MCPH1: variants seen among roughly 807,000 people sequenced by gnomAD.
MCPH1 encodes microcephalin 1, also known as microcephalin.
Under a neutral mutation model 84.5 loss-of-function variants are expected in MCPH1, and 104 were observed. The observed-to-expected ratio is 1.23, with a 90% CI of 1.05 to 1.45. The LOEUF is 1.45. MCPH1 is among the 40% of genes most tolerant of loss of function. The probability of loss-of-function intolerance (pLI) is 0.00; values close to 1 mark genes in which losing one functional copy is unlikely to be tolerated. For missense variants in MCPH1, 1,498 were observed against 1,005.7 expected, an observed-to-expected ratio of 1.49 and a Z score of -6.62; for synonymous variants, 514 against 366.8, an observed-to-expected ratio of 1.40 and a Z score of -4.58.
At chr8:6,617,297 T>TTC (rs1830905119) in intron 12 of MCPH1, 1 of 150,932 alleles carries the variant, frequency 6.6e-6, no homozygotes, top group Non-Finnish European at 1.5e-5. Context: ...TTGTTTTTTT[T>TTC]GAGGTGGAAT....
chr8:6,421,591 A>G (rs997162976), intron 3 of MCPH1, among the ~76,000 whole-genome samples: 1 of 152,320 alleles, frequency 6.6e-6, no homozygotes, highest in East Asian at 1.9e-4. Flanking sequence ...TTTACATTAT[A>G]TGAAATTCAA....
chr8:6,517,439 C>T (rs562626864), intron 12 of MCPH1, among the ~76,000 whole-genome samples: 29 of 152,338 alleles, frequency 1.9e-4, no homozygotes, highest in African/African-American at 6.3e-4. Flanking sequence ...TGATAAATGC[C>T]ATCTTGCAGT....
intron 12 of MCPH1, among the ~76,000 whole-genome samples, chr8:6,527,897 C>CTCTTTTTTTTT (rs1343936237): frequency 9.4e-6 from 1 of 105,956 alleles, no homozygotes; most frequent in African/African-American, 3.1e-5. Context: ...CCCCACGTCT[C>CTCTTTTTTTTT]TATTTTTTTT....
chr8:6,582,580 G>A, intron 12 of MCPH1, among the ~76,000 whole-genome samples: 1 of 151,986 alleles, frequency 6.6e-6, no homozygotes, highest in East Asian at 1.9e-4. Flanking sequence ...GTATTTAATA[G>A]TAAGATAAAC....
At chr8:6,609,290 C>T (rs554693390) in intron 12 of MCPH1, among the ~76,000 whole-genome samples, 20 of 152,334 alleles carry the variant, frequency 1.3e-4, no homozygotes, top group African/African-American at 4.6e-4. Context: ...GGACCCAGAG[C>T]ATGAGCGTGT....
chr8:6,428,804 A>G (rs767314801), intron 3 of MCPH1, among the ~76,000 whole-genome samples: 2 of 152,276 alleles, frequency 1.3e-5, no homozygotes, highest in Admixed American at 1.3e-4. Context: ...ATCATGAAAA[A>G]CAATGGTCTC....
chr8:6,600,804 A>G (rs908421367), intron 12 of MCPH1, among the ~76,000 whole-genome samples: 6 of 152,168 alleles, frequency 3.9e-5, no homozygotes, highest in African/African-American at 1.4e-4. Context: ...GGCAGGTTGG[A>G]GGCCTTCAGT....
In MCPH1 at chr8:6,550,822, G is replaced by T. The variant is rs567232447; in HGVS notation, c.2214+50893G>T. 3.0e-4 allele frequency among the ~76,000 whole-genome samples: 45 copies of T among 152,316 alleles called. 1 individual carries two copies. Among genetic ancestry groups the T allele is most frequent in the African/African-American group, 1.1e-3 (44 of 41,572 alleles). On this transcript the variant is annotated intron_variant, in intron 12 of 13. Transcript: ENST00000344683. ...CTGTTGTGAAATTGAGTGAGACGAT[G>T]TAAGCACATGGCGTGCACCTGATAA...
chr8:6,528,449 T>G (rs1028052156), intron 12 of MCPH1, among the ~76,000 whole-genome samples: 3 of 152,234 alleles, frequency 2.0e-5, no homozygotes, highest in Admixed American at 2.0e-4. Flanking sequence ...ATATAGATAA[T>G]TTTTAGCCTG....
At chr8:6,448,641 A>G (rs1200923293) in intron 8 of MCPH1, among the ~76,000 whole-genome samples, 1 of 152,230 alleles carries the variant, frequency 6.6e-6, no homozygotes, top group Non-Finnish European at 1.5e-5. Context: ...GTGTGTGTCT[A>G]CAAGCATACA....
chr8:6,429,334 G>T (rs760351914), intron 3 of MCPH1, among the ~76,000 whole-genome samples: 1 of 152,080 alleles, frequency 6.6e-6, no homozygotes, highest in Non-Finnish European at 1.5e-5. Context: ...CAGTGAGTGG[G>T]CACAGGCAAG....
chr8:6,523,882 T>A (rs2129569963), intron 12 of MCPH1, among the ~76,000 whole-genome samples: 2 of 136,214 alleles, frequency 1.5e-5, no homozygotes, highest in Middle Eastern at 7.3e-3. Context: ...CCACCGTGCC[T>A]GGCTGGCATT....
chr8:6,520,041 A>C, intron 12 of MCPH1: 1 of 1,595,728 alleles, frequency 6.3e-7, no homozygotes, highest in Non-Finnish European at 8.6e-7. Flanking sequence ...TGAAAAGACA[A>C]AGACTTGTTA....
chr8:6,437,934 C>G (rs1427365881), intron 5 of MCPH1, among the ~76,000 whole-genome samples: 1 of 152,228 alleles, frequency 6.6e-6, no homozygotes, highest in East Asian at 1.9e-4. Context: ...GTGCTGCAGT[C>G]ACAATGGTGA....
At chr8:6,420,042 T>C (rs2442533) in intron 3 of MCPH1, among the ~76,000 whole-genome samples, 100,434 of 151,012 alleles carry the variant, frequency 0.67, 37,390 homozygotes, top group Non-Finnish European at 0.81. Flanking sequence ...TTATAGGTGA[T>C]GCTGGTGAGG....
chr8:6,616,928 T>G (rs939064584), intron 12 of MCPH1: 1 of 152,182 alleles, frequency 6.6e-6, no homozygotes, highest in Non-Finnish European at 1.5e-5. Flanking sequence ...AAAACTCCAT[T>G]TGAGGCCTGC....
chr8:6,473,927 G>T, intron 9 of MCPH1: 1 of 1,513,942 alleles, frequency 6.6e-7, no homozygotes, highest in Non-Finnish European at 9.0e-7. Flanking sequence ...TTTATTGCTG[G>T]GCAGCCGATG....
At chr8:6,599,947 G>C (rs1267160423) in intron 12 of MCPH1, among the ~76,000 whole-genome samples, 1 of 152,192 alleles carries the variant, frequency 6.6e-6, no homozygotes, top group Admixed American at 6.5e-5. Flanking sequence ...CATTACTCTG[G>C]GGAATTGTAT....
At position 6,451,275 on chromosome 8, in the gene MCPH1, T is replaced by C. The variant is rs913811578; in HGVS notation, c.1826-3868T>C. On this transcript the variant is annotated intron_variant, in intron 8 of 13. Coordinates refer to ENST00000344683, the MANE Select transcript of MCPH1 (RefSeq NM_024596.5). The stretch of plus-strand genomic sequence containing the variant: ...GCTATTGACCACTTAACTGTTTGGT[T>C]GATTCATTCATTCATTTACATATTC... Among the ~76,000 whole-genome samples, 12 of 152,234 alleles carry C rather than the reference T, an allele frequency of 7.9e-5. 1 individual carries two copies. The highest frequency in any genetic ancestry group is 6.2e-4 in the South Asian group (3 of 4,834).
Sources: allele counts gnomAD v4.1 joint callset (sites outside exome capture counted in the v4.1 genomes callset), GRCh38; gene constraint gnomAD v4.1.1; transcripts MANE v1.5; gene names NCBI Gene and HGNC (gene_info 2026-07-23, HGNC 2026-07-21).